Variants in TMC1 observed in about 807,000 individuals in gnomAD.
The protein encoded by TMC1 is transmembrane channel like 1, also known as transmembrane channel-like protein 1.
Under a neutral mutation model 105.8 loss-of-function variants are expected in TMC1, and 84 were observed. The ratio of observed to expected loss-of-function variants is 0.79; its 90% confidence interval spans 0.67 to 0.95. The LOEUF (loss-of-function observed/expected upper bound fraction) is 0.95. Ranked by LOEUF, TMC1 falls within the 40% of genes least tolerant of loss-of-function variation. The probability of loss-of-function intolerance (pLI) is 0.00; values close to 1 mark genes in which losing one functional copy is unlikely to be tolerated. For missense variants in TMC1, 817 were observed against 914.1 expected, an observed-to-expected ratio of 0.89 and a Z score of 1.37; for synonymous variants, 315 against 311.5, an observed-to-expected ratio of 1.01 and a Z score of -0.12.
intron 5 of TMC1, among the ~76,000 whole-genome samples, chr9:72,676,051 C>G (rs777521500): frequency 1.6e-4 from 24 of 152,034 alleles, no homozygotes; most frequent in Non-Finnish European, 3.4e-4. Flanking sequence ...CAATTGGTAA[C>G]AAGAAAAAAT....
intron 8 of TMC1, among the ~76,000 whole-genome samples, chr9:72,719,415 G>C (rs1826977910): frequency 6.6e-6 from 1 of 152,178 alleles, no homozygotes; most frequent in African/African-American, 2.4e-5. Context: ...AATTGTCTCA[G>C]CTCCAGGTAA....
intron 5 of TMC1, among the ~76,000 whole-genome samples, chr9:72,650,882 A>ATATATATTTATATATATATATATATT (rs1491528110): frequency 1.2e-5 from 1 of 84,218 alleles, no homozygotes; most frequent in African/African-American, 4.4e-5. Context: ...TTATATATAT[A>ATATATATTTATATATATATATATATT]GATATATAGA....
intron 8 of TMC1, among the ~76,000 whole-genome samples, chr9:72,712,377 G>A (rs1352075171): frequency 7.9e-5 from 12 of 152,158 alleles, no homozygotes; most frequent in East Asian, 1.9e-4. Flanking sequence ...CCATTTTCAC[G>A]ATATTGATTC....
intron 13 of TMC1, among the ~76,000 whole-genome samples, chr9:72,787,379 G>T (rs1310318183): frequency 6.6e-6 from 1 of 152,084 alleles, no homozygotes; most frequent in Non-Finnish European, 1.5e-5. Flanking sequence ...AATAGTGGGG[G>T]AATGTAGATG....
At chr9:72,677,687 C>T (rs1262007674) in intron 5 of TMC1, among the ~76,000 whole-genome samples, 2 of 152,130 alleles carry the variant, frequency 1.3e-5, no homozygotes, top group Non-Finnish European at 2.9e-5. Context: ...TTTTTCCCCA[C>T]TCTGACAACC....
intron 5 of TMC1, chr9:72,656,093 T>C (rs1825880378): frequency 1.5e-6 from 1 of 685,200 alleles, no homozygotes; most frequent in Non-Finnish European, 2.7e-6. Context: ...GCACACACCT[T>C]CGCCAGGGAT....
chr9:72,583,946 G>T (rs1415465239), intron 2 of TMC1, among the ~76,000 whole-genome samples: 1 of 152,154 alleles, frequency 6.6e-6, no homozygotes, highest in Non-Finnish European at 1.5e-5. Context: ...TGGTCTTCAG[G>T]TTCCTAGTCT....
At chr9:72,801,359 G>A (rs1027107202) in intron 17 of TMC1, among the ~76,000 whole-genome samples, 7 of 152,124 alleles carry the variant, frequency 4.6e-5, no homozygotes, top group East Asian at 1.9e-4. Context: ...TCTGAGATAC[G>A]TTATATTATT....
chr9:72,607,002 T>TATAGAGAGAGAGAGAGAGAGAG (rs372785242), intron 2 of TMC1, among the ~76,000 whole-genome samples: 242 of 134,942 alleles, frequency 1.8e-3, no homozygotes, highest in Middle Eastern at 3.9e-3. Flanking sequence ...TATATATATA[T>TATAGAGAGAGAGAGAGAGAGAG]AGAGAGAGAG....
At chr9:72,649,007 T>C (rs1468942468) in intron 5 of TMC1, among the ~76,000 whole-genome samples, 1 of 152,208 alleles carries the variant, frequency 6.6e-6, no homozygotes, top group African/African-American at 2.4e-5. Context: ...CAGTGACCTA[T>C]TGTCAGATTG....
At position 72,656,958 on chromosome 9, in the gene TMC1, G is replaced by C. The variant is rs148265236; in HGVS notation, c.16+8294G>C. Among the ~76,000 whole-genome samples, 288 of 152,300 alleles carry C rather than the reference G, an allele frequency of 1.9e-3. 2 individuals carry two copies. The highest frequency in any genetic ancestry group is 6.1e-3 in the African/African-American group (253 of 41,564). On this transcript the variant is annotated intron_variant, in intron 5 of 23. Transcript: ENST00000297784. Reference sequence around the variant, plus strand: ...GAGGTCTTTCTCCTCTGACTGGTTGGTAGCCTAAGCTATTCCTGATTCTTG... The same window carrying C: ...GAGGTCTTTCTCCTCTGACTGGTTGCTAGCCTAAGCTATTCCTGATTCTTG...
At chr9:72,538,895 T>A (rs1231953576) in intron 1 of TMC1, among the ~76,000 whole-genome samples, 1 of 152,172 alleles carries the variant, frequency 6.6e-6, no homozygotes, top group Non-Finnish European at 1.5e-5. Context: ...GTCATTTGTG[T>A]CTAAACTCCA....
intron 15 of TMC1, among the ~76,000 whole-genome samples, chr9:72,790,477 T>C (rs1405191833): frequency 1.3e-5 from 2 of 152,186 alleles, no homozygotes; most frequent in African/African-American, 2.4e-5. Context: ...CCTCAAAGCA[T>C]TTACTAAGTT....
At chr9:72,531,723 A>G (rs1823499510) in intron 1 of TMC1, among the ~76,000 whole-genome samples, 2 of 152,192 alleles carry the variant, frequency 1.3e-5, no homozygotes, top group Admixed American at 1.3e-4. Flanking sequence ...AAAGTGAAGA[A>G]TAATTTACTG....
intron 2 of TMC1, among the ~76,000 whole-genome samples, chr9:72,600,702 AAAAATT>A (rs1240601854): frequency 6.6e-6 from 1 of 151,458 alleles, no homozygotes; most frequent in Non-Finnish European, 1.5e-5. Context: ...AAAAAAAGAA[AAAAATT>A]AAAATAAAAA....
intron 1 of TMC1, among the ~76,000 whole-genome samples, chr9:72,540,801 C>A (rs1823662295): frequency 6.6e-6 from 1 of 152,148 alleles, no homozygotes; most frequent in Admixed American, 6.6e-5. Flanking sequence ...CTCAGCATGA[C>A]AACATGCTGG....
intron 2 of TMC1, among the ~76,000 whole-genome samples, chr9:72,615,725 CCT>C (rs960829245): frequency 2.0e-5 from 3 of 151,846 alleles, no homozygotes; most frequent in Non-Finnish European, 4.4e-5. Flanking sequence ...AATTTTCCAG[CCT>C]CTCTTTTTGC....
chr9:72,803,140 C>T (rs945507303), intron 17 of TMC1, among the ~76,000 whole-genome samples: 5 of 152,126 alleles, frequency 3.3e-5, no homozygotes, highest in African/African-American at 9.7e-5. Flanking sequence ...GGAAAGGATT[C>T]GCTATTTAAT....
intron 3 of TMC1, among the ~76,000 whole-genome samples, chr9:72,620,320 A>G (rs1825224282): frequency 6.6e-6 from 1 of 151,808 alleles, no homozygotes; most frequent in Admixed American, 6.6e-5. Flanking sequence ...TGGCTCACTG[A>G]AGCCTTGACT....
Sources: allele counts gnomAD v4.1 joint callset (sites outside exome capture counted in the v4.1 genomes callset), GRCh38; gene constraint gnomAD v4.1.1; transcripts MANE v1.5; gene names NCBI Gene and HGNC (gene_info 2026-07-23, HGNC 2026-07-21).